NFIB: variants seen among roughly 807,000 people sequenced by gnomAD.
NFIB encodes nuclear factor I B, also known as nuclear factor 1 B-type.
A neutral mutation model predicts 61.5 loss-of-function variants in NFIB; 11 were observed. The ratio of observed to expected loss-of-function variants is 0.18; its 90% CI spans 0.11 to 0.30. The LOEUF is 0.30. NFIB is among the 10% of genes least tolerant of loss of function. The probability of loss-of-function intolerance (pLI) is 1.00; values close to 1 mark genes in which losing one functional copy is unlikely to be tolerated. For synonymous variants in NFIB, 260 were observed against 216.5 expected (o/e 1.20, Z -1.76); for missense variants, 471 against 608.9 (o/e 0.77, Z 2.38).
chr9:14,195,225 G>A (rs1032105313), intron 2 of NFIB, among the ~76,000 whole-genome samples: 7 of 151,930 alleles, frequency 4.6e-5, no homozygotes, highest in East Asian at 1.9e-4. Flanking sequence ...AATTTAAACC[G>A]CCAGAGATGG....
chr9:14,288,419 C>A (rs2058858318), intron 2 of NFIB, among the ~76,000 whole-genome samples: 1 of 151,914 alleles, frequency 6.6e-6, no homozygotes, highest in Non-Finnish European at 1.5e-5. Flanking sequence ...CTATTAGATT[C>A]TTTTATTAAC....
At chr9:14,134,897 CAAAAAAAAAA>C (rs57014530) in intron 6 of NFIB, among the ~76,000 whole-genome samples, 33 of 64,334 alleles carry the variant, frequency 5.1e-4, no homozygotes, top group South Asian at 2.3e-3. Context: ...GACTCTGTCT[CAAAAAAAAAA>C]AAAAAAAAAA....
chr9:14,465,366 A>G, the NFIB span, among the ~76,000 whole-genome samples: 2 of 152,254 alleles, frequency 1.3e-5, no homozygotes, highest in East Asian at 1.9e-4. Flanking sequence ...ACAAATTCAC[A>G]CTCAAGTGCT....
chr9:14,349,274 G>C (rs2061075749), intron 1 of NFIB, among the ~76,000 whole-genome samples: 1 of 152,166 alleles, frequency 6.6e-6, no homozygotes, highest in Non-Finnish European at 1.5e-5. Context: ...GTTCAGGCTG[G>C]GCCCTGGGGC....
intron 10 of NFIB, among the ~76,000 whole-genome samples, chr9:14,092,910 G>GTA (rs2034166274): frequency 6.6e-6 from 1 of 152,018 alleles, no homozygotes; most frequent in Non-Finnish European, 1.5e-5. Context: ...CCTACAAAGA[G>GTA]TAAAGAGCTA....
chr9:14,381,024 A>G (rs2061482001), intron 1 of NFIB, among the ~76,000 whole-genome samples: 1 of 139,344 alleles, frequency 7.2e-6, no homozygotes. Flanking sequence ...CAGTGAGCCG[A>G]GATCGCGCCA....
At chr9:14,529,015 T>C in the NFIB span, among the ~76,000 whole-genome samples, 4 of 152,224 alleles carry the variant, frequency 2.6e-5, no homozygotes, top group African/African-American at 4.8e-5. Flanking sequence ...ACATACAAAA[T>C]CATCTAAAGA....
chr9:14,427,937 GTT>G, the NFIB span, among the ~76,000 whole-genome samples: 6 of 43,382 alleles, frequency 1.4e-4, no homozygotes, highest in Admixed American at 3.5e-4. Context: ...TAATTCAGTT[GTT>G]TTTTTTTTTT....
intron 1 of NFIB, among the ~76,000 whole-genome samples, chr9:14,375,959 C>T (rs993883427): frequency 6.6e-6 from 1 of 152,218 alleles, no homozygotes; most frequent in Admixed American, 6.5e-5. Flanking sequence ...AGCTTGAGAA[C>T]CCAGTCTGCT....
At chr9:14,413,474 T>C in the NFIB span, among the ~76,000 whole-genome samples, 1 of 152,188 alleles carries the variant, frequency 6.6e-6, no homozygotes, top group African/African-American at 2.4e-5. Flanking sequence ...CCTTATTGGT[T>C]ATTTCTAATT....
chr9:14,510,555 G>A, the NFIB span, among the ~76,000 whole-genome samples: 2 of 152,158 alleles, frequency 1.3e-5, no homozygotes, highest in African/African-American at 4.8e-5. Context: ...TATTATAACT[G>A]CAGTGGAAAA....
At chr9:14,306,372 C>T (rs1331347244) in intron 2 of NFIB, among the ~76,000 whole-genome samples, 1 of 151,990 alleles carries the variant, frequency 6.6e-6, no homozygotes, top group African/African-American at 2.4e-5. Flanking sequence ...TCCATTTAAT[C>T]GACAGTGAAT....
At chr9:14,525,403 G>C in the NFIB span, among the ~76,000 whole-genome samples, 1 of 152,166 alleles carries the variant, frequency 6.6e-6, no homozygotes, top group Non-Finnish European at 1.5e-5. Context: ...TATCAGTGGA[G>C]TGCATTTCAG....
chr9:14,272,621 C>T (rs1174764752), intron 2 of NFIB, among the ~76,000 whole-genome samples: 4 of 146,490 alleles, frequency 2.7e-5, no homozygotes, highest in South Asian at 2.2e-4. Flanking sequence ...TAAATAACAT[C>T]GGCCTGCTCC....
chr9:14,352,705 A>G (rs564018940), intron 1 of NFIB, among the ~76,000 whole-genome samples: 2 of 152,350 alleles, frequency 1.3e-5, no homozygotes, highest in Non-Finnish European at 2.9e-5. Context: ...TTCACTGCTT[A>G]TCTCTCAGCG....
At chr9:14,490,872 A>T in the NFIB span, among the ~76,000 whole-genome samples, 1 of 152,218 alleles carries the variant, frequency 6.6e-6, no homozygotes, top group Non-Finnish European at 1.5e-5. Flanking sequence ...AATACTCTAG[A>T]TATATATTTT....
At chr9:14,202,617 A>C (rs185426791) in intron 2 of NFIB, among the ~76,000 whole-genome samples, 1 of 152,304 alleles carries the variant, frequency 6.6e-6, no homozygotes, top group Admixed American at 6.5e-5. Context: ...TCACCAAAGC[A>C]AAGTTTCTAA....
At chr9:14,510,527 G>C in the NFIB span, among the ~76,000 whole-genome samples, 1 of 152,160 alleles carries the variant, frequency 6.6e-6, no homozygotes, top group African/African-American at 2.4e-5. Context: ...AATATCTGTA[G>C]CATTTTTGCA....
At chr9:14,398,598 C>T in exon 1 of NFIB, 1 of 1,534,202 alleles carries the variant, frequency 6.5e-7, no homozygotes, top group South Asian at 1.2e-5. Context: ...CAGCAGACAA[C>T]CCAGAAGTCC....
Sources: gnomAD v4.1 joint callset for allele counts (sites outside exome capture counted in the v4.1 genomes callset) on GRCh38, gnomAD v4.1.1 for gene constraint, MANE v1.5 for transcripts, NCBI Gene and HGNC (gene_info 2026-07-23, HGNC 2026-07-21) for gene names.